SCUBE2: variants seen among roughly 807,000 people sequenced by gnomAD.
SCUBE2 encodes signal peptide, CUB and EGF-like domain-containing protein 2.
SCUBE2 carries 114 observed loss-of-function variants against 125.9 expected under a neutral mutation model. The observed-to-expected ratio is 0.91, with a 90% confidence interval of 0.78 to 1.06. SCUBE2 has a LOEUF of 1.06. Ranked by LOEUF, SCUBE2 falls within the 50% of genes least tolerant of loss-of-function variation. The pLI is 0.00. For synonymous variants in SCUBE2, 459 were observed against 492.9 expected, an observed-to-expected ratio of 0.93 and a Z score of 0.91; for missense variants, 1,255 against 1,301.8, an observed-to-expected ratio of 0.96 and a Z score of 0.55.
chr11:9,062,683 A>G (rs1859797744), intron 7 of SCUBE2, among the ~76,000 whole-genome samples: 4 of 152,220 alleles, frequency 2.6e-5, no homozygotes, highest in Admixed American at 2.6e-4. Flanking sequence ...AAATAAGAGC[A>G]GGTTCCTAAA....
chr11:9,065,869 G>C, intron 7 of SCUBE2, 22 bp downstream of exon 7: 1 of 1,604,934 alleles, frequency 6.2e-7, no homozygotes, highest in Non-Finnish European at 8.5e-7. Flanking sequence ...AGTGGCCAAG[G>C]AAAGGGAGTG....
At position 9,021,946 on chromosome 11, in the gene SCUBE2, T is replaced by C; in HGVS notation, c.2864A>G (p.Gln955Arg). 1 of 1,612,380 alleles carries C rather than the reference T, an allele frequency of 6.2e-7. No homozygotes were observed. The highest frequency in any genetic ancestry group is 8.5e-7 in the Non-Finnish European group (1 of 1,178,368). ...TCGAACTATGTCTTCAATGAGTTCCTGGTAGTCCTCTGTTGGAATAAAGAA... is the reference window on the plus strand; with the variant it reads ...TCGAACTATGTCTTCAATGAGTTCCCGGTAGTCCTCTGTTGGAATAAAGAA... ...VPYVTYDEDY[Q>R]ELIEDIVRDG... Residue 955 changes from glutamine to arginine, a missense_variant, in exon 22 of 23, where the codon CAG becomes CGG. Physicochemically the swap from Gln to Arg is conservative, Grantham distance 43. This residue lies in a region of SCUBE2 where 515 missense variants were observed against 515.7 expected (regional missense o/e 1.00). Transcript: ENST00000649792.
intron 4 of SCUBE2, among the ~76,000 whole-genome samples, chr11:9,071,073 TCTAGAAGCAG>T (rs1860753119): frequency 6.6e-6 from 1 of 152,206 alleles, no homozygotes; most frequent in Non-Finnish European, 1.5e-5. Flanking sequence ...GACAGCTGCC[TCTAGAAGCAG>T]TGTCCTGTCT....
At chr11:9,046,916 T>C (rs997412571) in intron 16 of SCUBE2, among the ~76,000 whole-genome samples, 1 of 152,182 alleles carries the variant, frequency 6.6e-6, no homozygotes, top group African/African-American at 2.4e-5. Context: ...GAAATACAAA[T>C]GGGATTCTTA....
chr11:9,021,918 A>G lies in SCUBE2; in HGVS notation c.2892T>C (p.Asp964=). The G allele has an allele frequency of 6.2e-7, 1 of 1,614,032 alleles. No individual in the cohort carries two copies. Among genetic ancestry groups the G allele is most frequent in the South Asian group, 1.1e-5 (1 of 91,078 alleles). ...GGTTCTCAGATGCATAGAGCCTGCC[A>G]TCTCGAACTATGTCTTCAATGAGTT... is the stretch of plus-strand genomic sequence containing the variant. ...YQELIEDIVR[D]GRLYASENHQ... Residue 964 remains aspartate, a synonymous_variant, in exon 22 of 23, where the codon GAT becomes GAC. Coordinates refer to ENST00000649792, the MANE Select transcript of SCUBE2 (RefSeq NM_001367977.2).
intron 2 of SCUBE2, among the ~76,000 whole-genome samples, chr11:9,082,644 A>T (rs1303350071): frequency 1.3e-5 from 2 of 152,250 alleles, no homozygotes; most frequent in Non-Finnish European, 2.9e-5. Context: ...TAAACGATAA[A>T]AATGAATGAA....
At position 9,033,712 on chromosome 11, in the gene SCUBE2, C is replaced by G; in HGVS notation, c.2087G>C (p.Gly696Ala). 1 of 1,614,114 alleles carries G rather than the reference C, an allele frequency of 6.2e-7. No individual in the cohort carries two copies. The highest frequency in any genetic ancestry group is 8.5e-7 in the Non-Finnish European group (1 of 1,180,028). ...CPNGTFQNEEGQMTCEPCPRP... is the reference protein window; with the variant it reads ...CPNGTFQNEEAQMTCEPCPRP... ...TGGGCATGGTTCACAAGTCATTTGT[C>G]CTTCCTCATTTTGGAAGGTTCCATT... Residue 696 changes from glycine to alanine, a missense_variant, in exon 17 of 23, where the codon GGA becomes GCA. By Grantham distance (60) the Gly-to-Ala change is moderately conservative (BLOSUM62 0). Transcript: ENST00000649792.
intron 2 of SCUBE2, among the ~76,000 whole-genome samples, chr11:9,084,143 T>C (rs1373257471): frequency 6.6e-6 from 1 of 152,148 alleles, no homozygotes; most frequent in South Asian, 2.1e-4. Flanking sequence ...GAGCATGTTG[T>C]GGTACCAGAA....
At position 9,021,172 on chromosome 11, in the gene SCUBE2, A is replaced by C. The variant is rs201294510; in HGVS notation, c.2960T>G (p.Phe987Cys). ...GTTCTGGGGATGGGCCAGGACATCA[A>C]ACAGAGCCTTGATAAGTTTCTTATC... ...LKDKKLIKAL[F>C]DVLAHPQNYF... The change falls in exon 23 of 23, where the codon TTT becomes TGT. Residue 987 changes from phenylalanine (F) to cysteine (C), a missense_variant. Coordinates refer to ENST00000649792, the MANE Select transcript of SCUBE2 (RefSeq NM_001367977.2). 4.0e-5 allele frequency: 64 copies of C among 1,593,048 alleles called. No individual in the cohort carries two copies. The highest frequency in any genetic ancestry group is 5.2e-5 in the Non-Finnish European group (61 of 1,171,462).
intron 16 of SCUBE2, among the ~76,000 whole-genome samples, chr11:9,040,222 T>C (rs1857091407): frequency 6.6e-6 from 1 of 152,220 alleles, no homozygotes. Flanking sequence ...TGCGTGCTTA[T>C]TCATGATAAA....
chr11:9,027,619 C>T (rs1048701676), intron 19 of SCUBE2, 58 bp from the exon 20 acceptor site: 9 of 1,492,960 alleles, frequency 6.0e-6, no homozygotes, highest in East Asian at 2.3e-5. Flanking sequence ...TCCTGACCAC[C>T]GCTAGCTTGC....
rs751229956 is a variant in SCUBE2, at chr11:9,050,627, C to A, written c.1618G>T (p.Gly540Cys). ...SLKNAELFPE[G>C]LRPALPEKHS... The stretch of plus-strand genomic sequence containing the variant: ...ATACCTGGTAGTGCTGGTCGCAGAC[C>A]CTCGGGAAACAGCTCAGCATTTTTC... The change falls in exon 14 of 23, where the codon GGT (glycine) becomes TGT (cysteine). Residue 540 changes from glycine to cysteine, a missense_variant. By Grantham distance (159) the Gly-to-Cys change is radical. Transcript: ENST00000649792. 6.2e-7 allele frequency: 1 copy of A among 1,614,162 alleles called. No individual in the cohort carries two copies. Among genetic ancestry groups the A allele is most frequent in the South Asian group, 1.1e-5 (1 of 91,084 alleles).
intron 2 of SCUBE2, among the ~76,000 whole-genome samples, chr11:9,081,600 G>A (rs1317902094): frequency 2.6e-5 from 4 of 152,048 alleles, no homozygotes; most frequent in Admixed American, 2.0e-4. Context: ...TGAGAGGATC[G>A]CTTGAGACCA....
At chr11:9,026,531 C>G (rs946036651) in intron 20 of SCUBE2, 1 of 152,432 alleles carries the variant, frequency 6.6e-6, no homozygotes, top group Non-Finnish European at 1.5e-5. Context: ...GCATCCTCCA[C>G]CTCCCAGGCT....
chr11:9,065,957 C>T lies in SCUBE2; in HGVS notation c.784G>A (p.Val262Met). 1 of 1,614,104 alleles carries T rather than the reference C, an allele frequency of 6.2e-7. No individual in the cohort carries two copies. The highest frequency in any genetic ancestry group is 8.5e-7 in the Non-Finnish European group (1 of 1,179,942). The change falls in exon 7 of 23, where the codon GTG becomes ATG. Residue 262 changes from valine to methionine, a missense_variant. Val to Met is a conservative substitution (Grantham distance 21). Transcript: ENST00000649792. ...CLEREDTVLEVTESNTTSVVD... is the reference protein window; with the variant it reads ...CLEREDTVLEMTESNTTSVVD... ...ACTGATGTGGTGTTGCTCTCTGTCA[C>T]CTCCAGGACAGTGTCCTCTCGCTCT... is the stretch of plus-strand genomic sequence containing the variant.
intron 3 of SCUBE2, among the ~76,000 whole-genome samples, chr11:9,075,922 C>T (rs985008837): frequency 5.3e-5 from 8 of 152,136 alleles, no homozygotes; most frequent in African/African-American, 1.7e-4. Context: ...GGAAGGGACA[C>T]ATGGAAGGCC....
intron 19 of SCUBE2, among the ~76,000 whole-genome samples, chr11:9,028,214 AT>A (rs5789593): frequency 0.48 from 65,387 of 135,892 alleles, 14,424 homozygotes; most frequent in East Asian, 0.51. Context: ...TTTTTTCCTC[AT>A]TTTTTTTTGT....
rs145984535 is a variant in SCUBE2, at chr11:9,076,843, A to G, written c.383-2228T>C. On this transcript the variant is annotated intron_variant, in intron 3 of 22. Coordinates refer to ENST00000649792, the MANE Select transcript of SCUBE2 (RefSeq NM_001367977.2). ...AAGCCTAACAAACTTGCCCTTGTCTATGCCAAAGGGTGAAGGAAGCACATT... is the reference window on the plus strand; with the variant it reads ...AAGCCTAACAAACTTGCCCTTGTCTGTGCCAAAGGGTGAAGGAAGCACATT... Among the ~76,000 whole-genome samples the G allele has an allele frequency of 8.5e-4, 129 of 152,288 alleles. 1 individual carries two copies. The highest frequency in any genetic ancestry group is 3.0e-3 in the African/African-American group (123 of 41,542).
intron 4 of SCUBE2, among the ~76,000 whole-genome samples, chr11:9,070,087 C>A (rs983039667): frequency 1.4e-4 from 22 of 152,114 alleles, no homozygotes; most frequent in Admixed American, 9.8e-4. Context: ...TCCCTCAGGG[C>A]ATAAGCCTCT....
Sources: allele counts gnomAD v4.1 joint callset (sites outside exome capture counted in the v4.1 genomes callset), GRCh38; gene constraint gnomAD v4.1.1; regional missense constraint gnomAD v4.1.1; transcripts MANE v1.5; gene names NCBI Gene and HGNC (gene_info 2026-07-23, HGNC 2026-07-21).